DPP8: variants seen among roughly 807,000 people sequenced by gnomAD.
The protein encoded by DPP8 is dipeptidyl peptidase 8, also known as DPP VIII.
Under a neutral mutation model 107.5 loss-of-function variants are expected in DPP8, and 31 were observed. The ratio of observed to expected loss-of-function variants is 0.29; its 90% CI spans 0.22 to 0.39. The LOEUF is 0.39. DPP8 is among the 10% of genes least tolerant of loss of function. The pLI, the probability that DPP8 is intolerant of heterozygous loss-of-function variation, is 1.00. For synonymous variants in DPP8, 381 were observed against 356.6 expected, an observed-to-expected ratio of 1.07 and a Z score of -0.77; for missense variants, 842 against 1,076.1, an observed-to-expected ratio of 0.78 and a Z score of 3.04.
chr15:65,485,605 C>T (rs1456724082), intron 7 of DPP8, among the ~76,000 whole-genome samples: 1 of 150,644 alleles, frequency 6.6e-6, no homozygotes, highest in African/African-American at 2.4e-5. Flanking sequence ...TAATGCTTAC[C>T]CAAAATTACT....
intron 1 of DPP8, among the ~76,000 whole-genome samples, chr15:65,515,003 A>G (rs759236234): frequency 4.6e-5 from 7 of 152,098 alleles, no homozygotes; most frequent in Admixed American, 3.9e-4. Context: ...CTTACTGTCC[A>G]GTTTATTTTT....
chr15:65,504,997 T>C (rs959977363), intron 3 of DPP8, among the ~76,000 whole-genome samples: 5 of 151,928 alleles, frequency 3.3e-5, no homozygotes, highest in Non-Finnish European at 5.9e-5. Context: ...AAAAAAGAAT[T>C]TGTATACTTT....
intron 15 of DPP8, among the ~76,000 whole-genome samples, chr15:65,457,323 T>C (rs958689745): frequency 1.6e-4 from 25 of 152,064 alleles, no homozygotes; most frequent in Admixed American, 1.6e-3. Context: ...ACCACTGCAC[T>C]GCAGCCTGGG....
intron 5 of DPP8, among the ~76,000 whole-genome samples, chr15:65,491,870 C>A (rs193087735): frequency 0.02 from 2,985 of 152,222 alleles, 97 homozygotes; most frequent in African/African-American, 0.067. Context: ...GTAGCTGGGA[C>A]TACAGGTGCC....
chr15:65,510,040 A>G (rs2070561529), intron 2 of DPP8, among the ~76,000 whole-genome samples: 1 of 151,428 alleles, frequency 6.6e-6, no homozygotes, highest in Non-Finnish European at 1.5e-5. Context: ...CAAAAAACAA[A>G]AAAGGCCAGG....
chr15:65,501,562 GATTA>G (rs916742334), intron 3 of DPP8, among the ~76,000 whole-genome samples: 7 of 152,156 alleles, frequency 4.6e-5, no homozygotes, highest in African/African-American at 7.2e-5. Flanking sequence ...GCTTTGTGAA[GATTA>G]ATTTAGATAA....
At position 65,456,283 on chromosome 15, in the gene DPP8, T is replaced by A; in HGVS notation, c.2060A>T (p.Asp687Val). The change falls in exon 16 of 20, where the codon GAC becomes GTC. Residue 687 changes from aspartate (D) to valine (V), a missense_variant. Physicochemically the swap from Asp to Val is radical, Grantham distance 152. Around this residue, in one of 2 missense-constraint regions of DPP8, gnomAD observed 179 missense variants for 318.0 expected, o/e 0.56. Transcript: ENST00000300141. ...ASLGYVVVVI[D>V]NRGSCHRGLK... is the part of the protein sequence containing the mutation. ...CCCTCGGTGACAGGATCCCCTGTTGTCTATCACTACAACCACATAACCTAG... is the reference window on the plus strand; with the variant it reads ...CCCTCGGTGACAGGATCCCCTGTTGACTATCACTACAACCACATAACCTAG... The A allele has an allele frequency of 1.2e-6, 2 of 1,614,126 alleles. No homozygotes were observed. The highest frequency in any genetic ancestry group is 1.7e-6 in the Non-Finnish European group (2 of 1,180,006).
At chr15:65,455,583 T>G in intron 16 of DPP8, 2 of 926,762 alleles carry the variant, frequency 2.2e-6, no homozygotes, top group Non-Finnish European at 2.8e-6. Context: ...TTGTCTATAT[T>G]ACTAGGCCTG....
chr15:65,516,083 G>C (rs1440953938), intron 1 of DPP8: 3 of 337,382 alleles, frequency 8.9e-6, no homozygotes, highest in Non-Finnish European at 1.6e-5. Flanking sequence ...AGTTACAAAA[G>C]GCATACAGAT....
At chr15:65,499,061 C>CA (rs927487377) in intron 4 of DPP8, among the ~76,000 whole-genome samples, 5 of 115,592 alleles carry the variant, frequency 4.3e-5, no homozygotes, top group East Asian at 4.6e-4. Flanking sequence ...GTCTCCCCCC[C>CA]AAAAAAAAAG....
intron 4 of DPP8, among the ~76,000 whole-genome samples, chr15:65,499,129 A>T (rs2068926742): frequency 6.7e-6 from 1 of 149,636 alleles, no homozygotes; most frequent in Admixed American, 6.7e-5. Context: ...ATTAAGATGA[A>T]TTAGCTTTCA....
At position 65,444,346 on chromosome 15, in the gene DPP8, T is replaced by C. The variant is rs1197891197; in HGVS notation, c.*2538A>G. The C allele has an allele frequency of 9.2e-5, 14 of 152,240 alleles. No homozygotes were observed. The highest frequency in any genetic ancestry group is 9.2e-4 in the Admixed American group (14 of 15,282). 9.4% of individuals were successfully genotyped at this position (152,240 alleles called of 1,614,324 possible). A position where few individuals can be genotyped will look rare whatever the true frequency, so the allele number is the denominator to read the frequency against. On this transcript the variant is annotated 3_prime_UTR_variant, in exon 20 of 20. Coordinates refer to ENST00000300141, the MANE Select transcript of DPP8 (RefSeq NM_130434.5). The stretch of plus-strand genomic sequence containing the variant: ...AAGTAACTATCCCTCTGGATGGTTG[T>C]TCAAGTGTACACATTTATCAAGTCT...
intron 5 of DPP8, among the ~76,000 whole-genome samples, chr15:65,497,402 G>A (rs983982916): frequency 1.3e-5 from 2 of 152,098 alleles, no homozygotes; most frequent in African/African-American, 4.8e-5. Context: ...GACTACACAT[G>A]CCACTACGCT....
intron 17 of DPP8, among the ~76,000 whole-genome samples, chr15:65,452,636 A>G (rs1298237337): frequency 6.6e-6 from 1 of 152,162 alleles, no homozygotes; most frequent in Non-Finnish European, 1.5e-5. Flanking sequence ...TTATCTAGAT[A>G]TATGTGCAAG....
At chr15:65,514,982 T>A (rs2071266599) in intron 1 of DPP8, among the ~76,000 whole-genome samples, 1 of 152,128 alleles carries the variant, frequency 6.6e-6, no homozygotes, top group Non-Finnish European at 1.5e-5. Context: ...CAGAAAGACC[T>A]CCTCCCAAGC....
chr15:65,463,935 C>T (rs2065122464), intron 14 of DPP8, 29 bp from the exon 15 acceptor site: 1 of 1,485,336 alleles, frequency 6.7e-7, no homozygotes, highest in South Asian at 1.4e-5. Flanking sequence ...ACAGAGTCTA[C>T]AAAAGAGTTC....
chr15:65,501,274 AG>A (rs567301331), intron 3 of DPP8, among the ~76,000 whole-genome samples: 476 of 152,288 alleles, frequency 3.1e-3, no homozygotes, highest in African/African-American at 0.011. Context: ...GATTAATTTT[AG>A]GAAGTCTGCT....
At chr15:65,471,724 G>A (rs2140569679) in intron 12 of DPP8, among the ~76,000 whole-genome samples, 1 of 152,250 alleles carries the variant, frequency 6.6e-6, no homozygotes, top group South Asian at 2.1e-4. Context: ...CTGGGCACAA[G>A]TGATCCCTCG....
Position 65,476,679 on chromosome 15 carries a change from T to G in DPP8, c.1456+2201A>C, listed in dbSNP as rs940807584. ...ATAGAATTACCATATGATCCAGAAA[T>G]TCCACTTTTGAGTACATACCCAAAA... On this transcript the variant is annotated intron_variant, in intron 11 of 19. Coordinates refer to ENST00000300141, the MANE Select transcript of DPP8 (RefSeq NM_130434.5). 2.6e-5 allele frequency among the ~76,000 whole-genome samples: 4 copies of G among 152,166 alleles called. No individual in the cohort carries two copies. The South Asian group carries it at 8.3e-4, about 32-fold the overall frequency.
Sources: gnomAD v4.1 joint callset for allele counts (sites outside exome capture counted in the v4.1 genomes callset) on GRCh38, gnomAD v4.1.1 for gene constraint, gnomAD v4.1.1 regional missense constraint, MANE v1.5 for transcripts, NCBI Gene and HGNC (gene_info 2026-07-23, HGNC 2026-07-21) for gene names.